Variants in EGF observed in about 807,000 individuals in gnomAD.
EGF encodes pro-epidermal growth factor.
A neutral mutation model predicts 143.8 loss-of-function variants in EGF; 95 were observed. The ratio of observed to expected loss-of-function variants is 0.66; its 90% CI spans 0.56 to 0.78. EGF has a LOEUF of 0.78. Among genes scored for constraint, EGF ranks in the 30% least tolerant of loss-of-function variants. EGF has a pLI of 0.00. For synonymous variants in EGF, 510 were observed against 510.5 expected (o/e 1.00, Z 0.01); for missense variants, 1,320 against 1,470.9 (o/e 0.90, Z 1.68).
intron 5 of EGF, among the ~76,000 whole-genome samples, chr4:109,954,505 C>T (rs75556135): frequency 0.015 from 2,273 of 152,160 alleles, 47 homozygotes; most frequent in African/African-American, 0.05. Context: ...TAGCACAGAA[C>T]GGCCATTCTT....
At chr4:109,962,199 T>C (rs1745816421) in intron 8 of EGF, among the ~76,000 whole-genome samples, 2 of 152,262 alleles carry the variant, frequency 1.3e-5, no homozygotes, top group African/African-American at 4.8e-5. Flanking sequence ...GTCTAACTTA[T>C]GAGCAAGGGC....
intron 5 of EGF, among the ~76,000 whole-genome samples, chr4:109,958,917 C>CAAAAA (rs57909689): frequency 1.0e-5 from 1 of 98,594 alleles, no homozygotes; most frequent in Non-Finnish European, 2.1e-5. Context: ...GACCCTGTCT[C>CAAAAA]AAAAAAAAAA....
rs1750564797 is a variant in EGF at position 109,989,000 on chromosome 4, A to T, written c.2734+291A>T. Among the ~76,000 whole-genome samples, 5 of 152,136 alleles carry T rather than the reference A, an allele frequency of 3.3e-5. No individual in the cohort carries two copies. In the South Asian group the frequency reaches 1.0e-3, roughly 32 times the overall value. On this transcript the variant is annotated intron_variant, in intron 18 of 23. Coordinates refer to ENST00000265171, the MANE Select transcript of EGF (RefSeq NM_001963.6). ...GTTTGAGTGACACCAGTGTCTCATC[A>T]ATACTTCCCACCTTGAGCCATCATG...
intron 21 of EGF, among the ~76,000 whole-genome samples, chr4:110,002,371 T>C (rs540643306): frequency 1.4e-4 from 22 of 152,260 alleles, no homozygotes; most frequent in Non-Finnish European, 5.9e-5. Context: ...CACACAGCTA[T>C]AGTACCACCT....
chr4:109,929,758 T>A (rs934355958), intron 1 of EGF, among the ~76,000 whole-genome samples: 1 of 152,208 alleles, frequency 6.6e-6, no homozygotes, highest in Non-Finnish European at 1.5e-5. Flanking sequence ...CTCCTGGCTC[T>A]TCTTTCTGGG....
chr4:110,011,169 T>C (rs1753949611), intron 23 of EGF, 33 bp from the exon 24 acceptor site: 3 of 1,611,854 alleles, frequency 1.9e-6, no homozygotes, highest in African/African-American at 1.3e-5. Context: ...GTTAATGATA[T>C]GAATATTGAA....
intron 11 of EGF, among the ~76,000 whole-genome samples, chr4:109,970,627 C>T (rs774189131): frequency 1.3e-5 from 2 of 151,880 alleles, no homozygotes; most frequent in African/African-American, 2.4e-5. Context: ...GAGATCGAGA[C>T]CATCCTGGCT....
chr4:109,913,539 C>G, intron 1 of EGF, 77 bp downstream of exon 1: 1 of 1,574,376 alleles, frequency 6.4e-7, no homozygotes, highest in Non-Finnish European at 8.6e-7. Flanking sequence ...ATCTGGTATA[C>G]TTGGGCATTT....
At chr4:109,968,702 A>G (rs1336017741) in intron 10 of EGF, 1 of 432,266 alleles carries the variant, frequency 2.3e-6, no homozygotes. Flanking sequence ...CTATCTATCT[A>G]TCTATCTACC....
chr4:109,941,480 T>TG (rs369651002), intron 2 of EGF, among the ~76,000 whole-genome samples: 2 of 152,152 alleles, frequency 1.3e-5, no homozygotes, highest in East Asian at 3.9e-4. Context: ...AGCTCTCAGG[T>TG]GGGGGGCAAT....
chr4:109,943,205 T>C (rs1418627302), intron 2 of EGF, 49 bp from the exon 3 acceptor site: 1 of 1,277,668 alleles, frequency 7.8e-7, no homozygotes, highest in East Asian at 2.3e-5. Context: ...AATAATTTTG[T>C]TGTGAATGGG....
chr4:110,003,112 C>T (rs780842220), intron 21 of EGF, among the ~76,000 whole-genome samples: 1 of 152,124 alleles, frequency 6.6e-6, no homozygotes, highest in South Asian at 2.1e-4. Context: ...GCGAACAGTG[C>T]TGCTGTGATC....
intron 5 of EGF, among the ~76,000 whole-genome samples, chr4:109,954,932 A>T (rs986125621): frequency 1.3e-5 from 2 of 152,216 alleles, no homozygotes; most frequent in Non-Finnish European, 2.9e-5. Context: ...AAATGTGATA[A>T]TACAAATACT....
At chr4:109,917,165 T>C (rs1286488306) in intron 1 of EGF, among the ~76,000 whole-genome samples, 1 of 152,240 alleles carries the variant, frequency 6.6e-6, no homozygotes, top group Non-Finnish European at 1.5e-5. Context: ...GTTTTTTGCA[T>C]ATTTTTGCCC....
Position 110,011,625 on chromosome 4 carries a change from A to G in EGF, c.*170A>G. ...AGTTGTGCTTTTGTTTGCTCTTTTA[A>G]GCAGTCTCACTGCAGTCTTATTTCC... On this transcript the variant is annotated 3_prime_UTR_variant, in exon 24 of 24. Coordinates refer to ENST00000265171, the MANE Select transcript of EGF (RefSeq NM_001963.6). The G allele has an allele frequency of 1.9e-6, 2 of 1,055,488 alleles. No homozygotes were observed. 65.4% of individuals were successfully genotyped at this position (1,055,488 alleles called of 1,614,324 possible). A position where few individuals can be genotyped will look rare whatever the true frequency, so the allele number is the denominator to read the frequency against.
At chr4:109,988,830 T>C (rs1750537305) in intron 18 of EGF, 121 bp downstream of exon 18, 2 of 1,470,834 alleles carry the variant, frequency 1.4e-6, no homozygotes, top group Middle Eastern at 4.8e-4. Flanking sequence ...TGTCAAGATT[T>C]AAAGAGTTGT....
chr4:109,967,550 A>C (rs1560706239), intron 10 of EGF, among the ~76,000 whole-genome samples: 3 of 151,882 alleles, frequency 2.0e-5, no homozygotes, highest in Admixed American at 2.0e-4. Flanking sequence ...GAATTTTAGG[A>C]TTGTTTTTTC....
chr4:109,995,023 C>A, intron 20 of EGF, 143 bp downstream of exon 20: 1 of 929,242 alleles, frequency 1.1e-6, no homozygotes, highest in Non-Finnish European at 1.7e-6. Context: ...ATATGAACCA[C>A]GTGTGTGCAC....
At chr4:109,963,123 A>T in intron 8 of EGF, 50 bp from the exon 9 acceptor site, 1 of 1,608,902 alleles carries the variant, frequency 6.2e-7, no homozygotes, top group African/African-American at 1.3e-5. Context: ...GATGAAAAAT[A>T]ATTATATTTT....
Sources: allele counts gnomAD v4.1 joint callset (sites outside exome capture counted in the v4.1 genomes callset), GRCh38; gene constraint gnomAD v4.1.1; transcripts MANE v1.5; gene names NCBI Gene and HGNC (gene_info 2026-07-23, HGNC 2026-07-21).